PCDHGA8: variants seen among roughly 807,000 people sequenced by gnomAD.
PCDHGA8 encodes protocadherin gamma subfamily A, 8, also known as protocadherin gamma-A8.
PCDHGA8 carries 45 observed loss-of-function variants against 59.2 expected under a neutral mutation model. The ratio of observed to expected loss-of-function variants is 0.76; its 90% CI spans 0.60 to 0.98. PCDHGA8 has a LOEUF of 0.98. Among genes scored for constraint, PCDHGA8 ranks in the 50% least tolerant of loss-of-function variants. PCDHGA8 has a pLI of 0.00. For missense variants in PCDHGA8, 1,257 were observed against 1,196.2 expected (o/e 1.05, Z -0.75); for synonymous variants, 531 against 519.0 (o/e 1.02, Z -0.32).
chr5:141,392,867 G>C lies in PCDHGA8; in HGVS notation c.54G>C (p.Ala18=). ...GCGGCGAGCTGATCCTGCTGTGCGCGCTGCTGGGAACGCTGTGGGAAATCG... is the reference window on the plus strand; with the variant it reads ...GCGGCGAGCTGATCCTGCTGTGCGCCCTGCTGGGAACGCTGTGGGAAATCG... ...PRRGELILLC[A]LLGTLWEIGR... is the part of the protein sequence containing the mutation. Residue 18 remains alanine (A), a synonymous_variant, in exon 1 of 4, where the codon GCG becomes GCC. Coordinates refer to ENST00000398604, the MANE Select transcript of PCDHGA8 (RefSeq NM_032088.2). 3.7e-6 allele frequency: 6 copies of C among 1,612,942 alleles called. No individual in the cohort carries two copies. Among genetic ancestry groups the C allele is most frequent in the Non-Finnish European group, 5.1e-6 (6 of 1,179,614 alleles).
intron 1 of PCDHGA8, chr5:141,422,905 G>A: frequency 6.2e-7 from 1 of 1,614,260 alleles, no homozygotes; most frequent in South Asian, 1.1e-5. Flanking sequence ...GAACGACAAT[G>A]CGCCCGAGAT....
rs752011641 is a variant in PCDHGA8 at position 141,490,299 on chromosome 5, C to T, written c.2425-4508C>T. 1.2e-6 allele frequency: 2 copies of T among 1,614,068 alleles called. No homozygotes were observed. Among genetic ancestry groups the T allele is most frequent in the East Asian group, 2.2e-5 (1 of 44,896 alleles). Reference sequence around the variant, plus strand: ...ACAATGCCCCAGAGGTGCTATTGGCCTCTTTGGCCAACCCTGTCCTAGAGA... The same window carrying T: ...ACAATGCCCCAGAGGTGCTATTGGCTTCTTTGGCCAACCCTGTCCTAGAGA... On this transcript the variant is annotated intron_variant, in intron 1 of 3. Coordinates refer to ENST00000398604, the MANE Select transcript of PCDHGA8 (RefSeq NM_032088.2). The surrounding 1 kb of genome is among the most constrained non-coding windows in gnomAD (Gnocchi z 5.4).
chr5:141,395,750 G>C (rs1308444906), intron 1 of PCDHGA8: 3 of 152,888 alleles, frequency 2.0e-5, no homozygotes, highest in African/African-American at 7.3e-5. Flanking sequence ...TCTTTTCTGA[G>C]CCCTGTTTCT....
Position 141,485,096 on chromosome 5 carries a change from CCAG to C in PCDHGA8, c.2425-9709_2425-9707del. The C allele has an allele frequency of 8.9e-7, 1 of 1,125,684 alleles. No homozygotes were observed. The highest frequency in any genetic ancestry group is 1.3e-6 in the Non-Finnish European group (1 of 759,466). 69.7% of individuals were successfully genotyped at this position (1,125,684 alleles called of 1,614,324 possible). A position where few individuals can be genotyped will look rare whatever the true frequency, so the allele number is the denominator to read the frequency against. ...CGCGGGGAAAGGGAGATAGGTGTCTCCAGCTGCTGTGGCTGTTTGGGGCGGGTC... is the reference window on the plus strand; with the variant it reads ...CGCGGGGAAAGGGAGATAGGTGTCTCCTGCTGTGGCTGTTTGGGGCGGGTC... On this transcript the variant is annotated intron_variant, in intron 1 of 3. Transcript: ENST00000398604. The surrounding 1 kb of genome is among the most constrained non-coding windows in gnomAD (Gnocchi z 5.7).
chr5:141,415,521 G>T lies in PCDHGA8; in HGVS notation c.2424+20284G>T, dbSNP rs1357538686. 2.5e-6 allele frequency: 4 copies of T among 1,614,070 alleles called. No individual in the cohort carries two copies. The African/African-American group carries it at 5.3e-5, about 22-fold the overall frequency. Reference sequence around the variant, plus strand: ...TCCCCCAGCCCAATTATGCGGACACGCTCATCAGCCAGGAGAGCTGTGAGA... The same window carrying T: ...TCCCCCAGCCCAATTATGCGGACACTCTCATCAGCCAGGAGAGCTGTGAGA... On this transcript the variant is annotated intron_variant, in intron 1 of 3. Coordinates refer to ENST00000398604, the MANE Select transcript of PCDHGA8 (RefSeq NM_032088.2).
In PCDHGA8 at chr5:141,490,274, A is replaced by G. The variant is rs1285515971; in HGVS notation, c.2425-4533A>G. The G allele has an allele frequency of 6.2e-7, 1 of 1,614,228 alleles. No individual in the cohort carries two copies. Among genetic ancestry groups the G allele is most frequent in the Non-Finnish European group, 8.5e-7 (1 of 1,180,038 alleles). On this transcript the variant is annotated intron_variant, in intron 1 of 3. Transcript: ENST00000398604. This position sits in a 1 kb window ranked among gnomAD's most constrained non-coding sequence, Gnocchi z 5.4. ...CAAGTGGATGTGGGGGATGTCAATGACAATGCCCCAGAGGTGCTATTGGCC... is the reference window on the plus strand; with the variant it reads ...CAAGTGGATGTGGGGGATGTCAATGGCAATGCCCCAGAGGTGCTATTGGCC...
At chr5:141,499,136 G>A (rs1488844131) in intron 2 of PCDHGA8, among the ~76,000 whole-genome samples, 1 of 152,100 alleles carries the variant, frequency 6.6e-6, no homozygotes, top group Non-Finnish European at 1.5e-5. Flanking sequence ...CATCCTTTGG[G>A]TGTCTGATCC....
At chr5:141,413,625 C>A (rs372855865) in intron 1 of PCDHGA8, 22 of 1,613,734 alleles carry the variant, frequency 1.4e-5, no homozygotes, top group Non-Finnish European at 1.9e-5. Flanking sequence ...ATGAAAATGT[C>A]GCTGCGGGAA....
Position 141,397,579 on chromosome 5 carries a change from A to G in PCDHGA8, c.2424+2342A>G, listed in dbSNP as rs73279085. Among the ~76,000 whole-genome samples, 1,264 of 152,334 alleles carry G rather than the reference A, an allele frequency of 8.3e-3. 17 individuals are homozygous for G. Among genetic ancestry groups the G allele is most frequent in the African/African-American group, 0.029 (1,200 of 41,570 alleles). On this transcript the variant is annotated intron_variant, in intron 1 of 3. Coordinates refer to ENST00000398604, the MANE Select transcript of PCDHGA8 (RefSeq NM_032088.2). ...AGGCTCTGAGAGCAAGAACTGTATCATATTAATTATTATATTGCCAGTGAC... is the reference window on the plus strand; with the variant it reads ...AGGCTCTGAGAGCAAGAACTGTATCGTATTAATTATTATATTGCCAGTGAC...
rs201458472 is a variant in PCDHGA8 at position 141,403,860 on chromosome 5, C to T, written c.2424+8623C>T. 1.5e-5 allele frequency: 25 copies of T among 1,613,382 alleles called. No individual in the cohort carries two copies. In the Admixed American group the frequency reaches 2.7e-4, roughly 17 times the overall value. Reference sequence around the variant, plus strand: ...AATGAAAATACTGGGGAAATATCAACAGCAAAAAGTCTAGATTATGAAGAA... The same window carrying T: ...AATGAAAATACTGGGGAAATATCAATAGCAAAAAGTCTAGATTATGAAGAA... On this transcript the variant is annotated intron_variant, in intron 1 of 3. Coordinates refer to ENST00000398604, the MANE Select transcript of PCDHGA8 (RefSeq NM_032088.2).
Position 141,393,770 on chromosome 5 carries a change from A to G in PCDHGA8, c.957A>G (p.Ile319Met), listed in dbSNP as rs372280460. 83 of 1,613,864 alleles carry G rather than the reference A, an allele frequency of 5.1e-5. 1 individual carries two copies. Among genetic ancestry groups the G allele is most frequent in the Middle Eastern group, 1.6e-4 (1 of 6,084 alleles). The change falls in exon 1 of 4, where the codon ATA (isoleucine) becomes ATG (methionine). Residue 319 changes from isoleucine (I) to methionine (M), a missense_variant. Transcript: ENST00000398604. ...YEECSFYEME[I>M]QAEDVGALLG... ...AATGTTCATTTTATGAAATGGAAAT[A>G]CAAGCCGAAGATGTGGGGGCACTTC... is the stretch of plus-strand genomic sequence containing the variant.
At chr5:141,404,399 G>A in intron 1 of PCDHGA8, 2 of 1,613,896 alleles carry the variant, frequency 1.2e-6, no homozygotes, top group Non-Finnish European at 1.7e-6. Context: ...TGATAGCAAT[G>A]AGAATTCTAG....
Position 141,408,776 on chromosome 5 carries a change from C to T in PCDHGA8, c.2424+13539C>T, listed in dbSNP as rs748401410. 54 of 1,611,566 alleles carry T rather than the reference C, an allele frequency of 3.4e-5. No homozygotes were observed. The highest frequency in any genetic ancestry group is 4.4e-5 in the Non-Finnish European group (52 of 1,178,840). On this transcript the variant is annotated intron_variant, in intron 1 of 3. Coordinates refer to ENST00000398604, the MANE Select transcript of PCDHGA8 (RefSeq NM_032088.2). Reference sequence around the variant, plus strand: ...AGTTAATTCCGATGGTGGCAAATACCCAGAGTTATCTCTGGAGAAACTCCT... The same window carrying T: ...AGTTAATTCCGATGGTGGCAAATACTCAGAGTTATCTCTGGAGAAACTCCT...
In PCDHGA8 at chr5:141,394,619, C is replaced by T; in HGVS notation, c.1806C>T (p.Ala602=). 6.2e-7 allele frequency: 1 copy of T among 1,613,528 alleles called. No homozygotes were observed. The highest frequency in any genetic ancestry group is 8.5e-7 in the Non-Finnish European group (1 of 1,179,994). The change falls in exon 1 of 4, where the codon GCC becomes GCT. Residue 602 remains alanine, a synonymous_variant. Transcript: ENST00000398604. The part of the protein sequence containing the change: ...VAVDRDSGQN[A]WLSYRLLKAS... The stretch of plus-strand genomic sequence containing the variant: ...TGGACAGAGACTCGGGCCAGAACGC[C>T]TGGCTGTCCTACCGCCTGCTCAAGG...
At chr5:141,443,090 C>T (rs1403922939) in intron 1 of PCDHGA8, among the ~76,000 whole-genome samples, 3 of 151,926 alleles carry the variant, frequency 2.0e-5, no homozygotes, top group Non-Finnish European at 2.9e-5. Context: ...TTCCAGTCTC[C>T]TTCTCAAGCT....
Position 141,393,852 on chromosome 5 carries a change from G to A in PCDHGA8, c.1039G>A (p.Val347Met), listed in dbSNP as rs780721020. The A allele has an allele frequency of 3.1e-6, 5 of 1,614,004 alleles. No homozygotes were observed. Among genetic ancestry groups the A allele is most frequent in the South Asian group, 1.1e-5 (1 of 91,080 alleles). The change falls in exon 1 of 4, where the codon GTG (valine) becomes ATG (methionine). Residue 347 changes from valine to methionine, a missense_variant. By Grantham distance (21) the Val-to-Met change is conservative. Coordinates refer to ENST00000398604, the MANE Select transcript of PCDHGA8 (RefSeq NM_032088.2). ...AGATGTAAATGACAATAGACCAGAA[G>A]TGATCATTACGTCTTTGTTTAGCCC... Reference protein sequence around the residue: ...VEDVNDNRPEVIITSLFSPVL... With the variant: ...VEDVNDNRPEMIITSLFSPVL...
chr5:141,431,554 C>G lies in PCDHGA8; in HGVS notation c.2424+36317C>G. 1 of 1,614,126 alleles carries G rather than the reference C, an allele frequency of 6.2e-7. No homozygotes were observed. The highest frequency in any genetic ancestry group is 1.7e-5 in the Admixed American group (1 of 60,032). ...TGGGCACGCAGCTGCTTGTAGTCAA[C>G]GCTACCGACCCTGACGAAGGAGTCA... is the stretch of plus-strand genomic sequence containing the variant. On this transcript the variant is annotated intron_variant, in intron 1 of 3. Coordinates refer to ENST00000398604, the MANE Select transcript of PCDHGA8 (RefSeq NM_032088.2). This position sits in a 1 kb window ranked among gnomAD's most constrained non-coding sequence, Gnocchi z 4.8.
intron 1 of PCDHGA8, chr5:141,419,732 G>A (rs2096422854): frequency 6.2e-7 from 1 of 1,613,792 alleles, no homozygotes; most frequent in Non-Finnish European, 8.5e-7. Flanking sequence ...GCGAACAGGC[G>A]AGGTGCGCAT....
At chr5:141,471,046 C>CTTT (rs1170588345) in intron 1 of PCDHGA8, among the ~76,000 whole-genome samples, 3 of 113,252 alleles carry the variant, frequency 2.6e-5, no homozygotes, top group Non-Finnish European at 5.4e-5. Context: ...CCCAAGCCCT[C>CTTT]TTTTTTTTTT....
Sources: allele counts gnomAD v4.1 joint callset (sites outside exome capture counted in the v4.1 genomes callset), GRCh38; gene constraint gnomAD v4.1.1; non-coding constraint Gnocchi (gnomAD v3.1); transcripts MANE v1.5; gene names NCBI Gene and HGNC (gene_info 2026-07-23, HGNC 2026-07-21).